RASGEF1A: variants seen among roughly 807,000 people sequenced by gnomAD.
RASGEF1A encodes ras-GEF domain-containing family member 1A.
RASGEF1A carries 18 observed loss-of-function variants against 56.4 expected under a neutral mutation model. That is an observed-to-expected ratio of 0.32 (90% CI 0.22 to 0.47). The LOEUF is 0.47. Ranked by LOEUF, RASGEF1A falls within the 20% of genes least tolerant of loss-of-function variation. The pLI is 1.00. For synonymous variants in RASGEF1A, 245 were observed against 242.6 expected (o/e 1.01, Z -0.09); for missense variants, 422 against 627.1 (o/e 0.67, Z 3.49).
chr10:43,215,057 C>G (rs1840117481), intron 1 of RASGEF1A, among the ~76,000 whole-genome samples: 1 of 152,204 alleles, frequency 6.6e-6, no homozygotes, highest in Non-Finnish European at 1.5e-5. Context: ...GGCTGAAGCC[C>G]TGGCCTGGAC....
At chr10:43,239,417 T>C (rs1197224159) in intron 1 of RASGEF1A, among the ~76,000 whole-genome samples, 2 of 152,156 alleles carry the variant, frequency 1.3e-5, no homozygotes, top group African/African-American at 4.8e-5. Context: ...AAAAACCCTC[T>C]CTTCCATAAA....
Position 43,200,824 on chromosome 10 carries a change from G to C in RASGEF1A, c.524C>G (p.Ala175Gly), listed in dbSNP as rs571433329. The part of the protein sequence containing the change: ...MTQSLLLSLA[A>G]RSQLQELREK... Reference sequence around the variant, plus strand: ...TCGCAGTTCCTGGAGCTGGCTCCGGGCAGCCAAGGACAGCAACAGGCTCTG... The same window carrying C: ...TCGCAGTTCCTGGAGCTGGCTCCGGCCAGCCAAGGACAGCAACAGGCTCTG... Residue 175 changes from alanine (A) to glycine (G), a missense_variant, in exon 5 of 13, where the codon GCC becomes GGC. Physicochemically the swap from Ala to Gly is moderately conservative, Grantham distance 60. This residue lies in a region of RASGEF1A where 273 missense variants were observed against 339.9 expected (regional missense o/e 0.80). Transcript: ENST00000395810. 6.2e-7 allele frequency: 1 copy of C among 1,613,960 alleles called. No homozygotes were observed. The highest frequency in any genetic ancestry group is 1.3e-5 in the African/African-American group (1 of 75,064).
At chr10:43,253,063 G>T (rs1181425245) in intron 1 of RASGEF1A, among the ~76,000 whole-genome samples, 5 of 152,188 alleles carry the variant, frequency 3.3e-5, no homozygotes, top group Non-Finnish European at 7.4e-5. Flanking sequence ...CCAGACAAAG[G>T]GGCTGTGCAC....
At chr10:43,266,224 G>A (rs562867213) in intron 1 of RASGEF1A, among the ~76,000 whole-genome samples, 1 of 152,282 alleles carries the variant, frequency 6.6e-6, no homozygotes, top group East Asian at 1.9e-4. Flanking sequence ...AGCTGCACCT[G>A]CCCCGTTCCT....
In RASGEF1A at chr10:43,236,420, G is replaced by C. The variant is rs139653824; in HGVS notation, c.-6-30298C>G. Among the ~76,000 whole-genome samples, 30 of 152,344 alleles carry C rather than the reference G, an allele frequency of 2.0e-4. 1 individual carries two copies. The East Asian group carries it at 5.4e-3, about 27-fold the overall frequency. On this transcript the variant is annotated intron_variant, in intron 1 of 12. Coordinates refer to ENST00000395810, the MANE Select transcript of RASGEF1A (RefSeq NM_145313.4). ...GCTTTCTGCATGTGTGCATAGGCAT[G>C]GGTGTGTGTACATAGTTGCATGCAT...
At chr10:43,231,944 A>G (rs1042354106) in intron 1 of RASGEF1A, among the ~76,000 whole-genome samples, 2 of 152,266 alleles carry the variant, frequency 1.3e-5, no homozygotes, top group Non-Finnish European at 2.9e-5. Context: ...CCAGACACAC[A>G]GGAAGAGGCA....
At chr10:43,260,887 C>G (rs921083968) in intron 1 of RASGEF1A, among the ~76,000 whole-genome samples, 24 of 152,250 alleles carry the variant, frequency 1.6e-4, no homozygotes, top group African/African-American at 5.8e-4. Flanking sequence ...AAATATACAA[C>G]TCTTTTAGAG....
chr10:43,208,958 T>C (rs1056980586), intron 1 of RASGEF1A: 4 of 985,384 alleles, frequency 4.1e-6, no homozygotes, highest in African/African-American at 1.7e-5. Context: ...ATGGTGATGA[T>C]GACAGCACTT....
intron 1 of RASGEF1A, among the ~76,000 whole-genome samples, chr10:43,225,645 G>A (rs1201531461): frequency 6.6e-6 from 1 of 151,936 alleles, no homozygotes; most frequent in Non-Finnish European, 1.5e-5. Context: ...CCATCCCCCA[G>A]GAACACGATG....
At position 43,257,393 on chromosome 10, in the gene RASGEF1A, G is replaced by C. The variant is rs559285884; in HGVS notation, c.-7+9452C>G. Among the ~76,000 whole-genome samples the C allele has an allele frequency of 5.9e-5, 9 of 152,358 alleles. 1 individual carries two copies. The South Asian group carries it at 1.9e-3, about 32-fold the overall frequency. On this transcript the variant is annotated intron_variant, in intron 1 of 12. Transcript: ENST00000395810. ...AGCCACATGGGGCCTTGCCCAGCGA[G>C]TCCCACCCATGCAGTGTTTGGTGGG...
At chr10:43,198,852 C>T (rs1588925235) in intron 9 of RASGEF1A, 81 bp downstream of exon 9, 6 of 1,309,358 alleles carry the variant, frequency 4.6e-6, no homozygotes, top group East Asian at 4.6e-5. Flanking sequence ...AGCCCCCCAC[C>T]CCCACTGTCA....
At chr10:43,213,059 G>C (rs571698407) in intron 1 of RASGEF1A, among the ~76,000 whole-genome samples, 75 of 152,314 alleles carry the variant, frequency 4.9e-4, no homozygotes, top group African/African-American at 1.8e-3. Flanking sequence ...TCTCATGGAG[G>C]TAGACAGTAG....
chr10:43,211,379 G>A (rs533613631), intron 1 of RASGEF1A, among the ~76,000 whole-genome samples: 108 of 152,290 alleles, frequency 7.1e-4, no homozygotes, highest in African/African-American at 2.5e-3. Flanking sequence ...CCCCTGACCT[G>A]CACAGCCTCA....
chr10:43,202,385 A>G (rs1839913671), intron 3 of RASGEF1A, among the ~76,000 whole-genome samples: 1 of 152,262 alleles, frequency 6.6e-6, no homozygotes, highest in South Asian at 2.1e-4. Flanking sequence ...CCCGCGCCCT[A>G]GTCCACAGGC....
chr10:43,229,472 G>C (rs1840330507), intron 1 of RASGEF1A, among the ~76,000 whole-genome samples: 1 of 152,188 alleles, frequency 6.6e-6, no homozygotes, highest in Non-Finnish European at 1.5e-5. Context: ...CGCCCACCGG[G>C]CAGTAGGTGC....
chr10:43,218,608 A>G (rs1840166823), intron 1 of RASGEF1A, among the ~76,000 whole-genome samples: 1 of 152,256 alleles, frequency 6.6e-6, no homozygotes. Context: ...GGCAGGCATC[A>G]GAGGGCAGGG....
chr10:43,209,849 G>A (rs544345605), intron 1 of RASGEF1A, among the ~76,000 whole-genome samples: 1 of 152,244 alleles, frequency 6.6e-6, no homozygotes, highest in African/African-American at 2.4e-5. Flanking sequence ...TCTAAGGCCA[G>A]GTGTGGTCCC....
intron 1 of RASGEF1A, among the ~76,000 whole-genome samples, chr10:43,240,598 G>A (rs1350811225): frequency 2.0e-5 from 3 of 152,012 alleles, no homozygotes; most frequent in Non-Finnish European, 4.4e-5. Flanking sequence ...AGCAAGAGGG[G>A]CTCAACAACA....
At chr10:43,257,902 G>A (rs1188620433) in intron 1 of RASGEF1A, among the ~76,000 whole-genome samples, 2 of 152,232 alleles carry the variant, frequency 1.3e-5, no homozygotes, top group African/African-American at 2.4e-5. Flanking sequence ...CCAGTGCTCT[G>A]GCCGAGGCAG....
Sources: allele counts gnomAD v4.1 joint callset (sites outside exome capture counted in the v4.1 genomes callset), GRCh38; gene constraint gnomAD v4.1.1; regional missense constraint gnomAD v4.1.1; transcripts MANE v1.5; gene names NCBI Gene and HGNC (gene_info 2026-07-23, HGNC 2026-07-21).